FMN2: variants seen among roughly 807,000 people sequenced by gnomAD.
FMN2 encodes formin-2.
In FMN2, 51 loss-of-function variants were observed where a neutral mutation model predicts 142.3. The ratio of observed to expected loss-of-function variants is 0.36; its 90% CI spans 0.29 to 0.45. The LOEUF is 0.45. Ranked by LOEUF, FMN2 falls within the 20% of genes least tolerant of loss-of-function variation. The pLI, the probability that FMN2 is intolerant of heterozygous loss-of-function variation, is 1.00. For synonymous variants in FMN2, 882 were observed against 869.8 expected (o/e 1.01, Z -0.25); for missense variants, 1,936 against 2,122.8 (o/e 0.91, Z 1.73).
chr1:240,449,018 T>G (rs748645243), intron 16 of FMN2, among the ~76,000 whole-genome samples: 2 of 151,896 alleles, frequency 1.3e-5, no homozygotes, highest in Non-Finnish European at 2.9e-5. Flanking sequence ...GGCGCCTTCC[T>G]GAATTCCCAG....
intron 14 of FMN2, among the ~76,000 whole-genome samples, chr1:240,374,204 A>G (rs550094559): frequency 1.3e-4 from 20 of 152,320 alleles, no homozygotes; most frequent in African/African-American, 4.1e-4. Flanking sequence ...TTGTTCTTCC[A>G]TTTATAGATC....
At chr1:240,275,960 T>C (rs764455492) in intron 7 of FMN2, among the ~76,000 whole-genome samples, 7 of 152,194 alleles carry the variant, frequency 4.6e-5, no homozygotes, top group Non-Finnish European at 2.9e-5. Flanking sequence ...GTAGAAAGTA[T>C]AGCCTGTTTG....
chr1:240,101,875 G>A (rs1572748539), intron 1 of FMN2, among the ~76,000 whole-genome samples: 1 of 151,972 alleles, frequency 6.6e-6, no homozygotes, highest in Non-Finnish European at 1.5e-5. Context: ...TGTATGGCTC[G>A]AAGATTTAGA....
chr1:240,269,759 T>A (rs931283592), intron 7 of FMN2, among the ~76,000 whole-genome samples: 11 of 151,968 alleles, frequency 7.2e-5, no homozygotes, highest in African/African-American at 2.7e-4. Context: ...AGATTTTTCA[T>A]TTCCTTGGTT....
chr1:240,297,462 C>T (rs1012390300), intron 8 of FMN2, among the ~76,000 whole-genome samples: 2 of 151,526 alleles, frequency 1.3e-5, no homozygotes, highest in African/African-American at 4.9e-5. Context: ...GGCATGGTGG[C>T]CCGGGCACGT....
At chr1:240,114,442 A>T (rs1314368892) in intron 1 of FMN2, among the ~76,000 whole-genome samples, 4 of 151,972 alleles carry the variant, frequency 2.6e-5, no homozygotes, top group Non-Finnish European at 5.9e-5. Context: ...GTACTTTATG[A>T]TCACCCCCAG....
At chr1:240,450,541 C>G (rs1675975339) in intron 16 of FMN2, among the ~76,000 whole-genome samples, 1 of 152,226 alleles carries the variant, frequency 6.6e-6, no homozygotes, top group Admixed American at 6.5e-5. Context: ...AGCATTGTCT[C>G]CATCCTCTCC....
chr1:240,169,126 G>A (rs533694845), intron 2 of FMN2, among the ~76,000 whole-genome samples: 6 of 152,258 alleles, frequency 3.9e-5, no homozygotes, highest in South Asian at 2.1e-4. Flanking sequence ...CAGGAGAATC[G>A]CTTGAACCCG....
At chr1:240,401,518 T>C (rs1673990375) in intron 15 of FMN2, among the ~76,000 whole-genome samples, 1 of 152,228 alleles carries the variant, frequency 6.6e-6, no homozygotes, top group South Asian at 2.1e-4. Flanking sequence ...TGTTTTTATC[T>C]CAGTGATGCT....
chr1:240,125,553 G>T (rs757060828), intron 2 of FMN2, among the ~76,000 whole-genome samples: 45 of 152,210 alleles, frequency 3.0e-4, no homozygotes, highest in Non-Finnish European at 5.6e-4. Flanking sequence ...AATTAGTATA[G>T]TGCAGGCAAA....
chr1:240,136,431 AAC>A (rs1360816557), intron 2 of FMN2, among the ~76,000 whole-genome samples: 2 of 152,234 alleles, frequency 1.3e-5, no homozygotes, highest in African/African-American at 2.4e-5. Flanking sequence ...ATTTTTAAAA[AAC>A]ACACTCGTGG....
intron 6 of FMN2, 92 bp downstream of exon 6, chr1:240,211,327 G>T: frequency 7.9e-7 from 1 of 1,259,100 alleles, no homozygotes. Flanking sequence ...TTTTTGGGCT[G>T]TGTAAACCTC....
At chr1:240,441,543 A>C (rs1045122808) in intron 16 of FMN2, among the ~76,000 whole-genome samples, 2 of 151,756 alleles carry the variant, frequency 1.3e-5, no homozygotes, top group African/African-American at 2.4e-5. Context: ...TTCAATGGCT[A>C]ATCTTATACT....
chr1:240,463,218 C>T (rs780272766), intron 16 of FMN2, among the ~76,000 whole-genome samples: 116 of 151,978 alleles, frequency 7.6e-4, no homozygotes, highest in Non-Finnish European at 8.7e-4. Flanking sequence ...GTTCAGGGGA[C>T]GTGAGAAGGC....
intron 15 of FMN2, among the ~76,000 whole-genome samples, chr1:240,424,921 G>A (rs1674886286): frequency 6.6e-6 from 1 of 152,178 alleles, no homozygotes; most frequent in Admixed American, 6.5e-5. Context: ...CATTCTTTAA[G>A]TAAACATTCT....
chr1:240,167,793 T>C (rs1664538502), intron 2 of FMN2, among the ~76,000 whole-genome samples: 1 of 152,106 alleles, frequency 6.6e-6, no homozygotes, highest in Admixed American at 6.6e-5. Flanking sequence ...ATTTAGAAAA[T>C]AGGCTGGGCA....
chr1:240,205,260 A>G (rs1187279184), intron 4 of FMN2, among the ~76,000 whole-genome samples: 1 of 152,074 alleles, frequency 6.6e-6, no homozygotes, highest in Non-Finnish European at 1.5e-5. Flanking sequence ...TTTCCCTTTT[A>G]TTCCAGCCTT....
At chr1:240,249,413 T>C (rs1230790627) in intron 6 of FMN2, among the ~76,000 whole-genome samples, 2 of 152,288 alleles carry the variant, frequency 1.3e-5, no homozygotes, top group East Asian at 1.9e-4. Context: ...CCTGTAAATA[T>C]GTGGATTTAT....
chr1:240,458,790 T>A (rs1676338355), intron 16 of FMN2: 1 of 151,462 alleles, frequency 6.6e-6, no homozygotes, highest in Non-Finnish European at 1.5e-5. Context: ...GGCAGGAGTA[T>A]TTTTTTTTAT....
Sources: allele counts gnomAD v4.1 joint callset (sites outside exome capture counted in the v4.1 genomes callset), GRCh38; gene constraint gnomAD v4.1.1; transcripts MANE v1.5; gene names NCBI Gene and HGNC (gene_info 2026-07-23, HGNC 2026-07-21).